Variants in FRAS1 observed in about 807,000 individuals in gnomAD.
FRAS1 encodes the protein Fraser extracellular matrix complex subunit 1.
A neutral mutation model predicts 435.2 loss-of-function variants in FRAS1; 290 were observed. The observed-to-expected ratio is 0.67, with a 90% CI of 0.61 to 0.73. The LOEUF is 0.73. Ranked by LOEUF, FRAS1 falls within the 30% of genes least tolerant of loss-of-function variation. FRAS1 has a pLI of 0.00. For missense variants in FRAS1, 4,860 were observed against 5,001.5 expected, an observed-to-expected ratio of 0.97 and a Z score of 0.85; for synonymous variants, 1,800 against 1,851.0, an observed-to-expected ratio of 0.97 and a Z score of 0.71.
chr4:78,524,166 T>C (rs543265327), intron 69 of FRAS1, among the ~76,000 whole-genome samples: 11 of 152,330 alleles, frequency 7.2e-5, no homozygotes, highest in Middle Eastern at 3.4e-3. Flanking sequence ...TCCCAGTTTT[T>C]CACTAGATTG....
At chr4:78,369,760 AC>A in intron 22 of FRAS1, 77 bp from the exon 23 acceptor site, 1 of 1,324,756 alleles carries the variant, frequency 7.5e-7, no homozygotes, top group Non-Finnish European at 1.0e-6. Flanking sequence ...TTCCTATGCA[AC>A]ATCTGTCTAG....
At chr4:78,441,121 G>A (rs765048994) in intron 40 of FRAS1, 41 bp from the exon 41 acceptor site, 2 of 1,606,214 alleles carry the variant, frequency 1.2e-6, no homozygotes, top group East Asian at 4.5e-5. Context: ...CTGTGGTTAT[G>A]TGAAATCACC....
At position 78,371,526 on chromosome 4, in the gene FRAS1, A is replaced by G. The variant is rs1472548598; in HGVS notation, c.2870-1192A>G. 5.3e-5 allele frequency among the ~76,000 whole-genome samples: 8 copies of G among 152,302 alleles called. 1 individual carries two copies. The highest frequency in any genetic ancestry group is 5.2e-4 in the Admixed American group (8 of 15,300). On this transcript the variant is annotated intron_variant, in intron 23 of 73. Coordinates refer to ENST00000512123, the MANE Select transcript of FRAS1 (RefSeq NM_025074.7). The stretch of plus-strand genomic sequence containing the variant: ...TTATTTAAATTCATTATTTCATTTT[A>G]TTCTTCACATTTTATTCTTCTTAAC...
chr4:78,282,784 C>T lies in FRAS1; in HGVS notation c.1108-36C>T, dbSNP rs568697193. 113 of 1,609,760 alleles carry T rather than the reference C, an allele frequency of 7.0e-5. No homozygotes were observed. In the Admixed American group the frequency reaches 1.2e-3, roughly 18 times the overall value. On this transcript the variant is annotated intron_variant, in intron 11 of 73. Transcript: ENST00000512123. ...CAAGCTCTCTTCTGAATTACTGCAT[C>T]CTGATGACAATGCTGTTCTTCACTT...
At chr4:78,361,159 T>C (rs1731058464) in intron 20 of FRAS1, among the ~76,000 whole-genome samples, 1 of 152,242 alleles carries the variant, frequency 6.6e-6, no homozygotes, top group Non-Finnish European at 1.5e-5. Flanking sequence ...CTTCATTTGC[T>C]CTTGCAACTT....
intron 62 of FRAS1, among the ~76,000 whole-genome samples, chr4:78,507,924 G>A (rs899603049): frequency 1.3e-5 from 2 of 152,132 alleles, no homozygotes; most frequent in African/African-American, 4.8e-5. Flanking sequence ...TAGTGTTGAG[G>A]GTAAGAAACC....
At position 78,240,203 on chromosome 4, in the gene FRAS1, G is replaced by C. The variant is rs533668635; in HGVS notation, c.216+2586G>C. On this transcript the variant is annotated intron_variant, in intron 3 of 73. Coordinates refer to ENST00000512123, the MANE Select transcript of FRAS1 (RefSeq NM_025074.7). ...TGGAATACTAACAAAGGTTTTAGGT[G>C]TAAGGGTGGAATGTCTGGCTTTTTT... Among the ~76,000 whole-genome samples the C allele has an allele frequency of 3.9e-5, 6 of 152,260 alleles. No homozygotes were observed. In the South Asian group the frequency reaches 1.2e-3, roughly 32 times the overall value.
intron 18 of FRAS1, among the ~76,000 whole-genome samples, chr4:78,320,088 G>A (rs1159462210): frequency 1.3e-5 from 2 of 152,180 alleles, no homozygotes; most frequent in Non-Finnish European, 2.9e-5. Context: ...CAGGTGTCCT[G>A]GAACATGATG....
intron 50 of FRAS1, among the ~76,000 whole-genome samples, chr4:78,468,481 G>A (rs932322722): frequency 9.9e-6 from 1 of 100,872 alleles, no homozygotes; most frequent in Admixed American, 1.1e-4. Flanking sequence ...AACTGAAGCT[G>A]TAAACATCAT....
intron 41 of FRAS1, chr4:78,444,044 A>G (rs1241227515): frequency 5.3e-6 from 2 of 374,698 alleles, no homozygotes; most frequent in African/African-American, 2.2e-5. Context: ...TTGTAGAGAC[A>G]GGGTCTCACT....
intron 20 of FRAS1, among the ~76,000 whole-genome samples, chr4:78,340,761 C>CT (rs1410177072): frequency 6.6e-6 from 1 of 152,208 alleles, no homozygotes; most frequent in African/African-American, 2.4e-5. Flanking sequence ...GGAGGCCACT[C>CT]TCCTTAGCTT....
intron 67 of FRAS1, among the ~76,000 whole-genome samples, chr4:78,520,946 T>C (rs1428231582): frequency 6.6e-6 from 1 of 152,210 alleles, no homozygotes; most frequent in Non-Finnish European, 1.5e-5. Context: ...TTTGTTCAAG[T>C]TCATGTTTCT....
rs76278486 is a variant in FRAS1 at position 78,308,851 on chromosome 4, G to C, written c.1678+642G>C. Among the ~76,000 whole-genome samples the C allele has an allele frequency of 2.8e-3, 425 of 152,288 alleles. 1 individual carries two copies. Among genetic ancestry groups the C allele is most frequent in the African/African-American group, 9.8e-3 (407 of 41,550 alleles). On this transcript the variant is annotated intron_variant, in intron 15 of 73. Transcript: ENST00000512123. Reference sequence around the variant, plus strand: ...GCATGTCAATTCCCACTTGTGAAACGGGGATAATAGTAGCACCTGTGGAAG... The same window carrying C: ...GCATGTCAATTCCCACTTGTGAAACCGGGATAATAGTAGCACCTGTGGAAG...
At chr4:78,488,838 A>C in intron 58 of FRAS1, 37 bp from the exon 59 acceptor site, 2 of 1,585,190 alleles carry the variant, frequency 1.3e-6, no homozygotes, top group Non-Finnish European at 1.7e-6. Flanking sequence ...CCTGTCTTCC[A>C]CTAATGGTGC....
At chr4:78,423,981 A>G (rs531159462) in intron 34 of FRAS1, among the ~76,000 whole-genome samples, 1 of 152,322 alleles carries the variant, frequency 6.6e-6, no homozygotes, top group South Asian at 2.1e-4. Context: ...AATCTCTCAC[A>G]TGGTTACAGT....
In FRAS1 at chr4:78,354,028, A is replaced by T. The variant is rs6533602; in HGVS notation, c.2423-9485A>T. On this transcript the variant is annotated intron_variant, in intron 20 of 73. Coordinates refer to ENST00000512123, the MANE Select transcript of FRAS1 (RefSeq NM_025074.7). ...AAATTAAAAAAAAAATAAAATAAAA[A>T]AAAAAAAAAAAAAAAAGCTTCAAGA... Among the ~76,000 whole-genome samples the T allele has an allele frequency of 3.0e-3, 20 of 6,666 alleles. 2 individuals carry two copies. Among genetic ancestry groups the T allele is most frequent in the Admixed American group, 7.4e-3 (6 of 812 alleles). The allele number at this position is 6,666 out of a possible 152,430, so 4.4% of individuals were successfully genotyped here.
chr4:78,319,569 A>T (rs139800117), intron 18 of FRAS1: 70 of 319,368 alleles, frequency 2.2e-4, no homozygotes, highest in Admixed American at 1.9e-3. Flanking sequence ...GTTTGACTCT[A>T]AAGCTACGTG....
intron 35 of FRAS1, among the ~76,000 whole-genome samples, chr4:78,427,252 C>T (rs908471163): frequency 2.0e-5 from 3 of 152,162 alleles, no homozygotes; most frequent in Non-Finnish European, 4.4e-5. Flanking sequence ...CCCCTCGCCA[C>T]GTGACTGCCT....
intron 18 of FRAS1, among the ~76,000 whole-genome samples, chr4:78,319,979 A>G (rs1309031897): frequency 6.6e-6 from 1 of 152,260 alleles, no homozygotes; most frequent in African/African-American, 2.4e-5. Flanking sequence ...GCTGACATGT[A>G]GCCTTTTTGC....
Sources: gnomAD v4.1 joint callset for allele counts (sites outside exome capture counted in the v4.1 genomes callset) on GRCh38, gnomAD v4.1.1 for gene constraint, MANE v1.5 for transcripts, NCBI Gene and HGNC (gene_info 2026-07-23, HGNC 2026-07-21) for gene names.